PSD3: variants seen among roughly 807,000 people sequenced by gnomAD.
The protein encoded by PSD3 is pleckstrin and Sec7 domain containing 3.
PSD3 carries 49 observed loss-of-function variants against 105.5 expected under a neutral mutation model. The observed-to-expected ratio is 0.46, with a 90% CI of 0.37 to 0.59. The LOEUF is 0.59. Ranked by LOEUF, PSD3 falls within the 20% of genes least tolerant of loss-of-function variation. The pLI is 0.00. For missense variants in PSD3, 1,561 were observed against 1,263.8 expected (o/e 1.24, Z -3.57); for synonymous variants, 557 against 457.8 (o/e 1.22, Z -2.77).
rs1010973208 is a variant in PSD3, at chr8:19,008,034, G to C, written c.21+5529C>G. Among the ~76,000 whole-genome samples the C allele has an allele frequency of 8.1e-5, 10 of 123,120 alleles. 1 individual carries two copies. Among genetic ancestry groups the C allele is most frequent in the African/African-American group, 2.5e-4 (8 of 32,636 alleles). 80.8% of individuals were successfully genotyped at this position (123,120 alleles called of 152,430 possible). On this transcript the variant is annotated intron_variant, in intron 1 of 15. Transcript: ENST00000327040. Reference sequence around the variant, plus strand: ...ATTTTTGTATTTTTAGTAAAAACAAGGCTTCACCATGACAGCCAGGCTGGT... The same window carrying C: ...ATTTTTGTATTTTTAGTAAAAACAACGCTTCACCATGACAGCCAGGCTGGT...
intron 1 of PSD3, among the ~76,000 whole-genome samples, chr8:18,975,980 A>G (rs1372460829): frequency 1.3e-5 from 2 of 152,202 alleles, no homozygotes; most frequent in Non-Finnish European, 2.9e-5. Flanking sequence ...AAAAATGTAT[A>G]TTCCCTTCCA....
At chr8:18,924,197 T>C (rs1415184261) in intron 2 of PSD3, among the ~76,000 whole-genome samples, 1 of 152,180 alleles carries the variant, frequency 6.6e-6, no homozygotes, top group Non-Finnish European at 1.5e-5. Context: ...TTATAGTCAC[T>C]TCCTGGCCCA....
intron 8 of PSD3, among the ~76,000 whole-genome samples, chr8:18,784,541 T>C (rs1222344069): frequency 6.6e-6 from 1 of 152,190 alleles, no homozygotes; most frequent in Non-Finnish European, 1.5e-5. Flanking sequence ...CGGGTGTCAA[T>C]TGGTAGCAGT....
chr8:18,657,222 T>C (rs971621019), intron 9 of PSD3, among the ~76,000 whole-genome samples: 4 of 152,160 alleles, frequency 2.6e-5, no homozygotes, highest in Non-Finnish European at 5.9e-5. Context: ...CATTGTCTCA[T>C]TCAAGTGTTT....
At chr8:18,851,967 G>T (rs1419829418) in intron 4 of PSD3, among the ~76,000 whole-genome samples, 1 of 152,206 alleles carries the variant, frequency 6.6e-6, no homozygotes, top group Non-Finnish European at 1.5e-5. Context: ...ACACTGGAAA[G>T]TGGTGAAGGC....
chr8:18,858,843 T>G (rs1421578631), intron 4 of PSD3, among the ~76,000 whole-genome samples: 1 of 152,200 alleles, frequency 6.6e-6, no homozygotes, highest in Non-Finnish European at 1.5e-5. Context: ...CTACTGGAAG[T>G]TTCAAACCAC....
rs146833760 is a variant in PSD3, at chr8:18,984,757, C to CA, written c.21+28805dup. On this transcript the variant is annotated intron_variant, in intron 1 of 15. Coordinates refer to ENST00000327040, the MANE Select transcript of PSD3 (RefSeq NM_015310.4). ...ATTCACTATTATCCCATAAGACAGA[C>CA]AAAAAAGATCATACTTCTGCCAACC... is the stretch of plus-strand genomic sequence containing the variant. Among the ~76,000 whole-genome samples the CA allele has an allele frequency of 3.0e-4, 45 of 152,198 alleles. No individual in the cohort carries two copies. The East Asian group carries it at 7.7e-3, about 26-fold the overall frequency.
chr8:18,893,222 G>C (rs1026237853), intron 2 of PSD3, among the ~76,000 whole-genome samples: 2 of 152,070 alleles, frequency 1.3e-5, no homozygotes, highest in East Asian at 1.9e-4. Flanking sequence ...CAGGGTGCGG[G>C]GTCAGCATGG....
intron 1 of PSD3, among the ~76,000 whole-genome samples, chr8:19,080,876 CTGCCATTT>C (rs1052783925): frequency 6.6e-6 from 1 of 152,132 alleles, no homozygotes; most frequent in African/African-American, 2.4e-5. Context: ...CCAAAAGTCA[CTGCCATTT>C]TAAGACACAA....
chr8:18,535,282 C>T lies in PSD3; in HGVS notation c.*461G>A, dbSNP rs1799790032. ...CATCTGTGAGTGCTCAATTCTACCT[C>T]TGTGACTGGGCAAGATTTCACATAT... On this transcript the variant is annotated 3_prime_UTR_variant, in exon 16 of 16. Coordinates refer to ENST00000327040, the MANE Select transcript of PSD3 (RefSeq NM_015310.4). 1 of 171,846 alleles carries T rather than the reference C, an allele frequency of 5.8e-6. No homozygotes were observed. Among genetic ancestry groups the T allele is most frequent in the Admixed American group, 5.5e-5 (1 of 18,070 alleles). 10.6% of individuals were successfully genotyped at this position (171,846 alleles called of 1,614,324 possible). A position where few individuals can be genotyped will look rare whatever the true frequency, so the allele number is the denominator to read the frequency against.
chr8:18,594,142 AT>A, intron 12 of PSD3, among the ~76,000 whole-genome samples: 1 of 65,030 alleles, frequency 1.5e-5, no homozygotes, highest in African/African-American at 5.6e-5. Context: ...TTATATATAT[AT>A]TATATAATAT....
chr8:18,946,334 G>A (rs1303450070), intron 1 of PSD3, among the ~76,000 whole-genome samples: 1 of 152,046 alleles, frequency 6.6e-6, no homozygotes, highest in Admixed American at 6.5e-5. Flanking sequence ...TCAATGGTTT[G>A]GGAGGTCAAA....
chr8:18,766,227 G>A (rs937939922), intron 8 of PSD3, among the ~76,000 whole-genome samples: 23 of 151,966 alleles, frequency 1.5e-4, no homozygotes, highest in Non-Finnish European at 3.1e-4. Flanking sequence ...CTAGCTACTC[G>A]GGAGGTTGAG....
intron 9 of PSD3, among the ~76,000 whole-genome samples, chr8:18,669,278 CA>C (rs1799644859): frequency 6.6e-6 from 1 of 152,168 alleles, no homozygotes; most frequent in Admixed American, 6.5e-5. Flanking sequence ...GAATATGTTC[CA>C]AGGCTCCCAG....
intron 1 of PSD3, among the ~76,000 whole-genome samples, chr8:18,988,752 C>T (rs1227417543): frequency 3.3e-5 from 5 of 152,098 alleles, no homozygotes; most frequent in Admixed American, 6.6e-5. Context: ...ACTTTTTTAC[C>T]TTAGAAACTT....
intron 9 of PSD3, among the ~76,000 whole-genome samples, chr8:18,702,632 A>G (rs1334251832): frequency 1.3e-5 from 2 of 149,152 alleles, no homozygotes; most frequent in Non-Finnish European, 3.0e-5. Context: ...TCTTTTTTTG[A>G]GATGGAATCT....
At chr8:19,045,247 C>T (rs62495943) in intron 1 of PSD3, among the ~76,000 whole-genome samples, 37,729 of 151,810 alleles carry the variant, frequency 0.25, 5,741 homozygotes, top group Middle Eastern at 0.39. Flanking sequence ...AAGTAATATC[C>T]GAATTGTGAA....
At chr8:18,623,706 G>A (rs375034986) in intron 11 of PSD3, among the ~76,000 whole-genome samples, 3 of 150,644 alleles carry the variant, frequency 2.0e-5, no homozygotes, top group East Asian at 3.9e-4. Flanking sequence ...GAGTAATAAA[G>A]TAGGTATACA....
At chr8:18,638,027 G>A (rs1226618998) in intron 10 of PSD3, among the ~76,000 whole-genome samples, 2 of 151,780 alleles carry the variant, frequency 1.3e-5, no homozygotes, top group Non-Finnish European at 2.9e-5. Flanking sequence ...GCAGTGGCAG[G>A]TGCCTGTAAT....
Sources: allele counts gnomAD v4.1 joint callset (sites outside exome capture counted in the v4.1 genomes callset), GRCh38; gene constraint gnomAD v4.1.1; transcripts MANE v1.5; gene names NCBI Gene and HGNC (gene_info 2026-07-23, HGNC 2026-07-21).